KCNQ5: variants seen among roughly 807,000 people sequenced by gnomAD.
KCNQ5 encodes the protein potassium voltage-gated channel subfamily KQT member 5.
A neutral mutation model predicts 98.2 loss-of-function variants in KCNQ5; 30 were observed. That is an observed-to-expected ratio of 0.31 (90% CI 0.23 to 0.41). The LOEUF (loss-of-function observed/expected upper bound fraction) is 0.41, where lower values mean the gene tolerates loss of function less well. Among genes scored for constraint, KCNQ5 ranks in the 10% least tolerant of loss-of-function variants. KCNQ5 has a pLI of 1.00. For synonymous variants in KCNQ5, 458 were observed against 449.4 expected (o/e 1.02, Z -0.24); for missense variants, 835 against 1,182.5 (o/e 0.71, Z 4.31).
chr6:72,758,202 T>A (rs1197463447), intron 1 of KCNQ5, among the ~76,000 whole-genome samples: 1 of 151,978 alleles, frequency 6.6e-6, no homozygotes, highest in Non-Finnish European at 1.5e-5. Flanking sequence ...TATCATAAGA[T>A]CATATGGCCT....
intron 1 of KCNQ5, among the ~76,000 whole-genome samples, chr6:72,820,495 TG>T (rs1775703212): frequency 6.6e-6 from 1 of 151,804 alleles, no homozygotes; most frequent in Admixed American, 6.6e-5. Context: ...TTTTTTTTTT[TG>T]TAAGTTGATT....
chr6:72,720,159 G>A (rs973921411), intron 1 of KCNQ5, among the ~76,000 whole-genome samples: 2 of 152,198 alleles, frequency 1.3e-5, no homozygotes, highest in South Asian at 4.1e-4. Flanking sequence ...TTGAGTCACA[G>A]TGTATCAACT....
intron 1 of KCNQ5, among the ~76,000 whole-genome samples, chr6:72,841,988 G>T (rs930875473): frequency 1.3e-5 from 2 of 152,142 alleles, no homozygotes; most frequent in African/African-American, 4.8e-5. Flanking sequence ...GTTGCTTAAT[G>T]CACATAAAGT....
chr6:73,028,374 AAG>A (rs1490534814), intron 2 of KCNQ5, among the ~76,000 whole-genome samples: 2 of 152,200 alleles, frequency 1.3e-5, no homozygotes, highest in Non-Finnish European at 2.9e-5. Flanking sequence ...CGAGAGAGGC[AAG>A]AGTTGTTTCC....
chr6:72,878,437 A>G (rs1436241019), intron 1 of KCNQ5, among the ~76,000 whole-genome samples: 1 of 152,008 alleles, frequency 6.6e-6, no homozygotes, highest in Non-Finnish European at 1.5e-5. Flanking sequence ...TTCCCCCCTT[A>G]CAGAACCATT....
At chr6:72,627,524 C>A (rs1346192165) in intron 1 of KCNQ5, among the ~76,000 whole-genome samples, 1 of 152,182 alleles carries the variant, frequency 6.6e-6, no homozygotes, top group African/African-American at 2.4e-5. Flanking sequence ...GGTAAGATTT[C>A]ATTGGATTTC....
Position 73,042,004 on chromosome 6 carries a change from T to C in KCNQ5, c.558T>C (p.Cys186=), listed in dbSNP as rs768818340. The change falls in exon 3 of 14, where the codon TGT becomes TGC. Residue 186 remains cysteine (C), a synonymous_variant. Transcript: ENST00000370398. ...GAATCTGGTCTGCGGGTTGCTGTTG[T>C]CGATATAGAGGATGGCAAGGAAGAC... ...IIRIWSAGCC[C]RYRGWQGRLR... 6 of 1,613,980 alleles carry C rather than the reference T, an allele frequency of 3.7e-6. No individual in the cohort carries two copies. The South Asian group carries it at 6.6e-5, about 18-fold the overall frequency.
At chr6:72,686,932 C>A (rs1006938398) in intron 1 of KCNQ5, among the ~76,000 whole-genome samples, 1 of 151,894 alleles carries the variant, frequency 6.6e-6, no homozygotes, top group Non-Finnish European at 1.5e-5. Flanking sequence ...CATAAAAGGG[C>A]TAAATTATAT....
intron 5 of KCNQ5, among the ~76,000 whole-genome samples, chr6:73,085,184 G>A (rs1433165838): frequency 6.6e-6 from 1 of 152,072 alleles, no homozygotes; most frequent in Non-Finnish European, 1.5e-5. Flanking sequence ...GATGGGTCAG[G>A]GTGAATACCT....
chr6:72,864,314 T>C (rs1035985935), intron 1 of KCNQ5, among the ~76,000 whole-genome samples: 2 of 152,166 alleles, frequency 1.3e-5, no homozygotes, highest in African/African-American at 4.8e-5. Flanking sequence ...CCATTAGTAC[T>C]ACTCAAGACA....
At chr6:72,869,301 G>T (rs1355412559) in intron 1 of KCNQ5, among the ~76,000 whole-genome samples, 1 of 152,134 alleles carries the variant, frequency 6.6e-6, no homozygotes, top group Non-Finnish European at 1.5e-5. Flanking sequence ...TTCTATCCCG[G>T]ACATGTGGGG....
At chr6:72,920,203 G>T (rs1461125063) in intron 1 of KCNQ5, among the ~76,000 whole-genome samples, 2 of 151,958 alleles carry the variant, frequency 1.3e-5, no homozygotes, top group Non-Finnish European at 2.9e-5. Context: ...CTGAGGCAGG[G>T]GATTCACTTG....
At chr6:73,071,570 C>T (rs1467697393) in intron 3 of KCNQ5, among the ~76,000 whole-genome samples, 1 of 152,178 alleles carries the variant, frequency 6.6e-6, no homozygotes, top group Non-Finnish European at 1.5e-5. Flanking sequence ...TGCATCTGCT[C>T]CTGGTGAGAA....
chr6:73,126,751 C>T (rs1776002034), intron 9 of KCNQ5, among the ~76,000 whole-genome samples: 1 of 152,062 alleles, frequency 6.6e-6, no homozygotes, highest in African/African-American at 2.4e-5. Flanking sequence ...ATTACTTAGC[C>T]TAGATTCATT....
chr6:72,934,677 G>T (rs1765826493), intron 1 of KCNQ5, among the ~76,000 whole-genome samples: 1 of 152,164 alleles, frequency 6.6e-6, no homozygotes, highest in South Asian at 2.1e-4. Flanking sequence ...AAATTATAGG[G>T]ACTAATCCTA....
At chr6:72,938,926 A>G (rs1582050758) in intron 1 of KCNQ5, among the ~76,000 whole-genome samples, 1 of 152,194 alleles carries the variant, frequency 6.6e-6, no homozygotes. Flanking sequence ...AACGTTAAAT[A>G]CTTCTAACAT....
chr6:72,923,399 A>G (rs1324386452), intron 1 of KCNQ5, among the ~76,000 whole-genome samples: 2 of 152,028 alleles, frequency 1.3e-5, no homozygotes, highest in Non-Finnish European at 2.9e-5. Flanking sequence ...AGTACTAATT[A>G]TCTTTTGTCT....
At chr6:73,157,642 G>A (rs1777421744) in intron 10 of KCNQ5, 2 of 775,280 alleles carry the variant, frequency 2.6e-6, no homozygotes, top group East Asian at 4.9e-5. Flanking sequence ...CATGGGTGAT[G>A]GCTGGGGTCA....
chr6:72,694,950 GCT>G (rs1768406836), intron 1 of KCNQ5, among the ~76,000 whole-genome samples: 1 of 105,338 alleles, frequency 9.5e-6, no homozygotes, highest in Non-Finnish European at 1.7e-5. Context: ...CTCACGGAGA[GCT>G]TTTGTGGTAT....
Sources: allele counts gnomAD v4.1 joint callset (sites outside exome capture counted in the v4.1 genomes callset), GRCh38; gene constraint gnomAD v4.1.1; transcripts MANE v1.5; gene names NCBI Gene and HGNC (gene_info 2026-07-23, HGNC 2026-07-21).